Variants in AQP7B observed in about 807,000 individuals in gnomAD.
AQP7B encodes the protein putative aquaporin-7B.
the AQP7B span, among the ~76,000 whole-genome samples, chr2:94,601,114 C>T: frequency 0.053 from 8,090 of 152,160 alleles, 293 homozygotes; most frequent in African/African-American, 0.11. Flanking sequence ...GCAGCGCAGT[C>T]GTTTGGTTTG....
chr2:94,595,145 T>C, the AQP7B span, among the ~76,000 whole-genome samples: 4 of 152,036 alleles, frequency 2.6e-5, no homozygotes, highest in Admixed American at 6.5e-5. Flanking sequence ...AGTAAAGATA[T>C]TGAAGAGGCC....
the AQP7B span, chr2:94,602,594 C>G: frequency 6.3e-7 from 1 of 1,596,458 alleles, no homozygotes; most frequent in Non-Finnish European, 8.6e-7. Context: ...CATGGGAGTC[C>G]ACGTGGCAGG....
the AQP7B span, among the ~76,000 whole-genome samples, chr2:94,593,223 G>GGA: frequency 4.6e-5 from 7 of 151,954 alleles, no homozygotes; most frequent in Non-Finnish European, 1.5e-5. Flanking sequence ...GGAGAGGGTA[G>GGA]GAGGCTCTCC....
At chr2:94,602,586 T>C in the AQP7B span, 2 of 1,598,148 alleles carry the variant, frequency 1.3e-6, no homozygotes, top group Non-Finnish European at 1.7e-6. Context: ...GGGGTCACCA[T>C]GGGAGTCCAC....
chr2:94,587,625 T>G, the AQP7B span, among the ~76,000 whole-genome samples: 1 of 152,112 alleles, frequency 6.6e-6, no homozygotes, highest in Non-Finnish European at 1.5e-5. Flanking sequence ...TGGGCCTCAG[T>G]TTCCTTACCT....
chr2:94,594,411 C>A, the AQP7B span, among the ~76,000 whole-genome samples: 6 of 152,344 alleles, frequency 3.9e-5, no homozygotes, highest in East Asian at 1.2e-3. Flanking sequence ...CTCTCTCCCA[C>A]CCTGCTTTTT....
the AQP7B span, among the ~76,000 whole-genome samples, chr2:94,591,167 C>T: frequency 6.6e-6 from 1 of 151,898 alleles, no homozygotes; most frequent in Non-Finnish European, 1.5e-5. Flanking sequence ...CTGTGATTTG[C>T]TGTCCTCCAA....
chr2:94,602,672 T>C, the AQP7B span: 6 of 1,511,216 alleles, frequency 4.0e-6, no homozygotes, highest in Non-Finnish European at 5.5e-6. Context: ...CAACAGGCTC[T>C]TTCCTGCCCA....
At chr2:94,589,139 C>CACTA in the AQP7B span, among the ~76,000 whole-genome samples, 7 of 151,668 alleles carry the variant, frequency 4.6e-5, no homozygotes, top group Admixed American at 1.3e-4. Context: ...TACAGGCACA[C>CACTA]ACTACCATGC....
the AQP7B span, chr2:94,603,647 C>G: frequency 7.6e-7 from 1 of 1,308,282 alleles, no homozygotes. Flanking sequence ...TGGGTCTGGG[C>G]CACTGCCGAT....
the AQP7B span, among the ~76,000 whole-genome samples, chr2:94,597,605 CTTTTTTGTTTTTTT>C: frequency 7.0e-4 from 104 of 148,232 alleles, no homozygotes; most frequent in African/African-American, 1.4e-3. Context: ...ATATCACAGT[CTTTTTTGTTTTTTT>C]TTTTTTGTTT....
chr2:94,603,974 G>A, the AQP7B span: 2 of 1,085,222 alleles, frequency 1.8e-6, no homozygotes, highest in Non-Finnish European at 2.7e-6. Flanking sequence ...TTTCTGTGGA[G>A]CTCCTGTGTG....
At chr2:94,601,319 G>A in the AQP7B span, among the ~76,000 whole-genome samples, 4 of 152,236 alleles carry the variant, frequency 2.6e-5, no homozygotes, top group South Asian at 8.3e-4. Context: ...GGAACATAGA[G>A]TGAGGAGCAG....
At chr2:94,603,827 G>A in the AQP7B span, 8 of 1,488,764 alleles carry the variant, frequency 5.4e-6, no homozygotes, top group Non-Finnish European at 6.5e-6. Flanking sequence ...GTCATCATCA[G>A]GGTGTCCCAT....
chr2:94,592,856 C>T, the AQP7B span, among the ~76,000 whole-genome samples: 1 of 108,148 alleles, frequency 9.2e-6, no homozygotes, highest in South Asian at 3.4e-4. Flanking sequence ...CAGGGTTTCG[C>T]TCTGTCACCC....
chr2:94,600,255 G>T, the AQP7B span, among the ~76,000 whole-genome samples: 1 of 151,994 alleles, frequency 6.6e-6, no homozygotes, highest in African/African-American at 2.4e-5. Flanking sequence ...CAATTCTTCA[G>T]GTTTTTTCCT....
the AQP7B span, chr2:94,604,488 C>A: frequency 1.9e-6 from 3 of 1,610,876 alleles, no homozygotes; most frequent in Non-Finnish European, 2.5e-6. Context: ...TCTCCCCTCA[C>A]CCTCATCTCC....
At chr2:94,603,638 G>C in the AQP7B span, 7 of 1,305,464 alleles carry the variant, frequency 5.4e-6, no homozygotes, top group East Asian at 1.7e-4. Context: ...TGGTGGGCTT[G>C]GGTCTGGGCC....
the AQP7B span, among the ~76,000 whole-genome samples, chr2:94,590,030 C>T: frequency 6.6e-6 from 1 of 152,210 alleles, no homozygotes; most frequent in Non-Finnish European, 1.5e-5. Context: ...TCCTCACCTC[C>T]CATGCCTCCC....
Sources: gnomAD v4.1 joint callset for allele counts (sites outside exome capture counted in the v4.1 genomes callset) on GRCh38, gnomAD v4.1.1 for gene constraint, MANE v1.5 for transcripts, NCBI Gene and HGNC (gene_info 2026-07-23, HGNC 2026-07-21) for gene names.